The following DAB1 variants were observed in gnomAD, a reference collection of about 807,000 sequenced individuals.
DAB1 encodes the protein disabled homolog 1.
DAB1 carries 15 observed loss-of-function variants against 64.6 expected under a neutral mutation model. The observed-to-expected ratio is 0.23, with a 90% CI of 0.16 to 0.36. The LOEUF (loss-of-function observed/expected upper bound fraction) is 0.36, where lower values mean the gene tolerates loss of function less well. DAB1 is among the 10% of genes least tolerant of loss of function. The pLI, the probability that DAB1 is intolerant of heterozygous loss-of-function variation, is 1.00. For synonymous variants in DAB1, 235 were observed against 251.9 expected, an observed-to-expected ratio of 0.93 and a Z score of 0.64; for missense variants, 596 against 706.7, an observed-to-expected ratio of 0.84 and a Z score of 1.78.
intron 2 of DAB1, among the ~76,000 whole-genome samples, chr1:57,189,847 A>G (rs982545878): frequency 3.0e-4 from 21 of 69,884 alleles, no homozygotes; most frequent in East Asian, 4.0e-4. Flanking sequence ...GGGAAGGGGA[A>G]AAAAAAAAAA....
At chr1:57,315,053 C>T (rs1675076962) in intron 1 of DAB1, among the ~76,000 whole-genome samples, 1 of 151,864 alleles carries the variant, frequency 6.6e-6, no homozygotes, top group South Asian at 2.1e-4. Context: ...CTATAGATAC[C>T]CTATCTGATC....
intron 3 of DAB1, among the ~76,000 whole-genome samples, chr1:58,378,464 TG>T (rs1644351439): frequency 7.1e-5 from 3 of 42,518 alleles, no homozygotes; most frequent in Admixed American, 4.6e-4. Context: ...GTGCCCCTGC[TG>T]GGGGGTGCCT....
At chr1:57,553,398 G>GAA (rs1373682938) in intron 7 of DAB1, among the ~76,000 whole-genome samples, 1 of 9,200 alleles carries the variant, frequency 1.1e-4, no homozygotes. Context: ...AAGAAAGAAA[G>GAA]AAAGAAAGAA....
intron 1 of DAB1, among the ~76,000 whole-genome samples, chr1:57,878,101 T>C (rs1425161929): frequency 1.3e-5 from 2 of 152,184 alleles, no homozygotes; most frequent in Non-Finnish European, 2.9e-5. Context: ...CCTATCTTTA[T>C]GTCCATATGT....
At chr1:58,130,557 G>A (rs1557663692) in intron 5 of DAB1, among the ~76,000 whole-genome samples, 1 of 152,046 alleles carries the variant, frequency 6.6e-6, no homozygotes, top group Non-Finnish European at 1.5e-5. Context: ...TAGTCTTGAT[G>A]GTCTTTACAT....
intron 8 of DAB1, among the ~76,000 whole-genome samples, chr1:57,063,846 G>A (rs1316632006): frequency 6.6e-6 from 1 of 152,188 alleles, no homozygotes; most frequent in African/African-American, 2.4e-5. Context: ...TCAACCAAGG[G>A]TTTTCACTGA....
chr1:58,385,776 C>T (rs338942), intron 3 of DAB1, among the ~76,000 whole-genome samples: 11,725 of 152,238 alleles, frequency 0.077, 597 homozygotes, highest in Non-Finnish European at 0.12. Flanking sequence ...GCTTCTCAGT[C>T]CTGAACCAAT....
At chr1:58,527,292 G>A (rs753694092) in exon 2 of DAB1, 2 of 872,204 alleles carry the variant, frequency 2.3e-6, no homozygotes, top group Non-Finnish European at 2.0e-6. Flanking sequence ...AATTTTGTCA[G>A]CTTCGGCCTC....
intron 2 of DAB1, among the ~76,000 whole-genome samples, chr1:57,217,678 A>G (rs1666530196): frequency 6.6e-6 from 1 of 152,186 alleles, no homozygotes; most frequent in Non-Finnish European, 1.5e-5. Flanking sequence ...TAAAGCCAAT[A>G]GTCATTTTTT....
chr1:57,718,365 T>A (rs533463597), intron 6 of DAB1, among the ~76,000 whole-genome samples: 1 of 152,102 alleles, frequency 6.6e-6, no homozygotes, highest in African/African-American at 2.4e-5. Flanking sequence ...TTAAGGGGGA[T>A]AAAGATGGAT....
intron 7 of DAB1, among the ~76,000 whole-genome samples, chr1:57,593,497 A>G (rs1645470446): frequency 6.6e-6 from 1 of 152,260 alleles, no homozygotes; most frequent in Non-Finnish European, 1.5e-5. Context: ...TTTAAAAACC[A>G]TACATGGAAG....
chr1:57,028,302 T>C (rs138469976), intron 9 of DAB1, among the ~76,000 whole-genome samples: 2,658 of 152,292 alleles, frequency 0.017, 86 homozygotes, highest in African/African-American at 0.059. Context: ...GCTGCTGCCA[T>C]GTAAGATGTG....
intron 5 of DAB1, chr1:58,071,441 G>A: frequency 6.5e-6 from 1 of 154,962 alleles, no homozygotes; most frequent in Non-Finnish European, 1.4e-5. Context: ...CTGCTGGGCT[G>A]CTAAGAGAAG....
chr1:58,444,594 C>T (rs1645045538), intron 3 of DAB1, among the ~76,000 whole-genome samples: 1 of 152,186 alleles, frequency 6.6e-6, no homozygotes, highest in South Asian at 2.1e-4. Context: ...GCATTTACTG[C>T]AAGGAAGATG....
chr1:57,962,311 C>T (rs1410398387), intron 5 of DAB1, among the ~76,000 whole-genome samples: 2 of 151,952 alleles, frequency 1.3e-5, no homozygotes, highest in Non-Finnish European at 2.9e-5. Context: ...CATTAGTCAT[C>T]ATTATTATTA....
chr1:57,932,814 A>G (rs1457230762), intron 5 of DAB1, among the ~76,000 whole-genome samples: 1 of 152,128 alleles, frequency 6.6e-6, no homozygotes, highest in Non-Finnish European at 1.5e-5. Flanking sequence ...ATTTACTTTT[A>G]ATCTATTTGT....
At chr1:57,882,625 A>C (rs985490568) in intron 1 of DAB1, among the ~76,000 whole-genome samples, 11 of 152,216 alleles carry the variant, frequency 7.2e-5, no homozygotes, top group African/African-American at 2.4e-4. Context: ...CTAATAACAT[A>C]AGTAGTGAAA....
chr1:57,632,412 C>A (rs1450771162), intron 7 of DAB1, among the ~76,000 whole-genome samples: 1 of 152,182 alleles, frequency 6.6e-6, no homozygotes, highest in South Asian at 2.1e-4. Context: ...TCAGCCACAG[C>A]GGATGAAAGG....
Position 58,352,391 on chromosome 1 carries a change from G to A in DAB1, n.258-8988C>T, listed in dbSNP as rs1186674908. Among the ~76,000 whole-genome samples, 8 of 152,032 alleles carry A rather than the reference G, an allele frequency of 5.3e-5. No individual in the cohort carries two copies. In the East Asian group the frequency reaches 7.7e-4, roughly 15 times the overall value. On this transcript the variant is annotated intron_variant and non_coding_transcript_variant, in intron 3 of 20. Transcript: ENST00000485760. Reference sequence around the variant, plus strand: ...AAATGTATATTGAATATTTTAAAACGCTGATGAGGAAGTAGAATTAGTCAC... The same window carrying A: ...AAATGTATATTGAATATTTTAAAACACTGATGAGGAAGTAGAATTAGTCAC...
Sources: allele counts gnomAD v4.1 joint callset (sites outside exome capture counted in the v4.1 genomes callset), GRCh38; gene constraint gnomAD v4.1.1; transcripts MANE v1.5; gene names NCBI Gene and HGNC (gene_info 2026-07-23, HGNC 2026-07-21).